The following SIPA1L1 variants were observed in gnomAD, a reference collection of about 807,000 sequenced individuals.
SIPA1L1 encodes the protein signal-induced proliferation-associated 1-like protein 1.
SIPA1L1 carries 26 observed loss-of-function variants against 162.7 expected under a neutral mutation model. The observed-to-expected ratio is 0.16, with a 90% CI of 0.12 to 0.22. The LOEUF (loss-of-function observed/expected upper bound fraction) is 0.22, where lower values mean the gene tolerates loss of function less well. Ranked by LOEUF, SIPA1L1 falls within the 10% of genes least tolerant of loss-of-function variation. The pLI is 1.00. For synonymous variants in SIPA1L1, 829 were observed against 837.4 expected, an observed-to-expected ratio of 0.99 and a Z score of 0.17; for missense variants, 1,874 against 2,241.0, an observed-to-expected ratio of 0.84 and a Z score of 3.31.
chr14:71,627,368 A>G (rs1256854925), intron 7 of SIPA1L1, among the ~76,000 whole-genome samples: 1 of 151,722 alleles, frequency 6.6e-6, no homozygotes, highest in Non-Finnish European at 1.5e-5. Flanking sequence ...GGTGGTCTCG[A>G]ACTCCTGACA....
chr14:71,574,854 T>C (rs1035901239), intron 4 of SIPA1L1: 2 of 152,154 alleles, frequency 1.3e-5, no homozygotes, highest in African/African-American at 4.8e-5. Flanking sequence ...AAATCAGAGA[T>C]TTTTAAGTTT....
chr14:71,527,299 C>T (rs1303820753), intron 3 of SIPA1L1, among the ~76,000 whole-genome samples: 5 of 151,872 alleles, frequency 3.3e-5, no homozygotes, highest in Non-Finnish European at 7.4e-5. Context: ...AGGCGCACAC[C>T]ACCATGCCTA....
At chr14:71,541,449 G>A (rs2054373118) in intron 4 of SIPA1L1, among the ~76,000 whole-genome samples, 1 of 152,148 alleles carries the variant, frequency 6.6e-6, no homozygotes, top group South Asian at 2.1e-4. Flanking sequence ...ATGGGCCAGT[G>A]CATGTTTCTT....
At chr14:71,614,583 G>A (rs1000474243) in intron 5 of SIPA1L1, among the ~76,000 whole-genome samples, 3 of 152,138 alleles carry the variant, frequency 2.0e-5, no homozygotes, top group African/African-American at 4.8e-5. Flanking sequence ...GGAAATAATA[G>A]CAAGAGCTCT....
At chr14:71,644,806 G>A (rs917274522) in intron 7 of SIPA1L1, among the ~76,000 whole-genome samples, 3 of 152,042 alleles carry the variant, frequency 2.0e-5, no homozygotes, top group African/African-American at 7.3e-5. Flanking sequence ...GAAGTAACAG[G>A]CTCCCCTTTA....
chr14:71,730,385 G>T, intron 20 of SIPA1L1, 84 bp downstream of exon 20: 1 of 1,490,988 alleles, frequency 6.7e-7, no homozygotes, highest in Non-Finnish European at 9.2e-7. Flanking sequence ...CATGTGCTCA[G>T]AGAGGGGTCC....
chr14:71,426,326 C>T (rs2043557086), intron 2 of SIPA1L1, among the ~76,000 whole-genome samples: 1 of 151,834 alleles, frequency 6.6e-6, no homozygotes, highest in Non-Finnish European at 1.5e-5. Flanking sequence ...TTATTTCTAG[C>T]ATTAACTGTT....
chr14:71,542,015 G>A (rs1479517297), intron 4 of SIPA1L1, among the ~76,000 whole-genome samples: 3 of 152,074 alleles, frequency 2.0e-5, no homozygotes, highest in Admixed American at 6.6e-5. Context: ...GAAATCAATG[G>A]CACGACCATG....
At chr14:71,433,253 T>C (rs1198505405) in intron 2 of SIPA1L1, among the ~76,000 whole-genome samples, 1 of 152,202 alleles carries the variant, frequency 6.6e-6, no homozygotes, top group East Asian at 1.9e-4. Context: ...TCCTGAATTA[T>C]CTTTTGGATT....
Position 71,618,884 on chromosome 14 carries a change from T to A in SIPA1L1, c.1626T>A (p.Ser542Arg). 1 of 1,613,216 alleles carries A rather than the reference T, an allele frequency of 6.2e-7. No individual in the cohort carries two copies. Among genetic ancestry groups the A allele is most frequent in the Middle Eastern group, 1.7e-4 (1 of 6,054 alleles). The change falls in exon 6 of 24, where the codon AGT becomes AGA. Residue 542 changes from serine (S) to arginine (R), a missense_variant. Around this residue, in one of 5 missense-constraint regions of SIPA1L1, gnomAD observed 685 missense variants for 828.0 expected, o/e 0.83. Transcript: ENST00000381232. ...PYNYRIIFRT[S>R]ELMTLRGSVL... ...ACTACCGAATAATTTTTAGAACTAG[T>A]GAGGTAAGTCGCAAATGAGAGAGGT... is the stretch of plus-strand genomic sequence containing the variant.
At chr14:71,512,987 C>G (rs2051314310) in intron 3 of SIPA1L1, 142 bp downstream of exon 3, 1 of 152,340 alleles carries the variant, frequency 6.6e-6, no homozygotes, top group Non-Finnish European at 1.5e-5. Context: ...CCAACCCCCT[C>G]AAGTTGTCCC....
At chr14:71,655,984 T>TTCTGTTG (rs2043023023) in intron 8 of SIPA1L1, among the ~76,000 whole-genome samples, 4 of 152,172 alleles carry the variant, frequency 2.6e-5, no homozygotes, top group Admixed American at 2.6e-4. Context: ...TCTGGTAAAG[T>TTCTGTTG]TTAATACCTC....
intron 2 of SIPA1L1, among the ~76,000 whole-genome samples, chr14:71,362,469 AAT>A (rs1349633687): frequency 6.6e-6 from 1 of 152,194 alleles, no homozygotes; most frequent in African/African-American, 2.4e-5. Flanking sequence ...TTCACCAGCC[AAT>A]TGGCTGACTC....
chr14:71,449,275 AC>A (rs1204370510), intron 2 of SIPA1L1, among the ~76,000 whole-genome samples: 1 of 152,172 alleles, frequency 6.6e-6, no homozygotes, highest in Admixed American at 6.5e-5. Flanking sequence ...GGAAATTTAA[AC>A]TCTAGTTATG....
chr14:71,495,288 T>C (rs1486558028), intron 2 of SIPA1L1, among the ~76,000 whole-genome samples: 1 of 152,090 alleles, frequency 6.6e-6, no homozygotes, highest in African/African-American at 2.4e-5. Context: ...TAATTAGTAA[T>C]TCAATTTCTT....
intron 2 of SIPA1L1, among the ~76,000 whole-genome samples, chr14:71,493,396 G>T (rs1472645477): frequency 6.6e-6 from 1 of 152,208 alleles, no homozygotes; most frequent in Non-Finnish European, 1.5e-5. Flanking sequence ...CCTGGCGAAA[G>T]TAGTTGTTGA....
intron 2 of SIPA1L1, among the ~76,000 whole-genome samples, chr14:71,512,458 G>A (rs966164283): frequency 1.1e-4 from 17 of 151,860 alleles, no homozygotes; most frequent in Admixed American, 6.6e-5. Flanking sequence ...ATGGTGCCAC[G>A]TGCCTATAGT....
At chr14:71,530,469 G>T (rs2053325763) in intron 4 of SIPA1L1, among the ~76,000 whole-genome samples, 1 of 151,834 alleles carries the variant, frequency 6.6e-6, no homozygotes, top group Non-Finnish European at 1.5e-5. Flanking sequence ...GTGCAGACTT[G>T]TTCTTTGTGT....
chr14:71,489,839 G>A (rs899516415), intron 2 of SIPA1L1, among the ~76,000 whole-genome samples: 2 of 152,214 alleles, frequency 1.3e-5, no homozygotes, highest in African/African-American at 4.8e-5. Context: ...GGACAGGCTT[G>A]TAAATGTTAT....
Sources: gnomAD v4.1 joint callset for allele counts (sites outside exome capture counted in the v4.1 genomes callset) on GRCh38, gnomAD v4.1.1 for gene constraint, gnomAD v4.1.1 regional missense constraint, MANE v1.5 for transcripts, NCBI Gene and HGNC (gene_info 2026-07-23, HGNC 2026-07-21) for gene names.